Variants in C1orf21 observed in about 807,000 individuals in gnomAD.
C1orf21 encodes the protein chromosome 1 open reading frame 21.
In C1orf21, 3 loss-of-function variants were observed where a neutral mutation model predicts 18.7. The ratio of observed to expected loss-of-function variants is 0.16; its 90% CI spans 0.07 to 0.42. C1orf21 has a LOEUF of 0.42. C1orf21 is among the 10% of genes least tolerant of loss of function. The pLI, the probability that C1orf21 is intolerant of heterozygous loss-of-function variation, is 0.99. For missense variants in C1orf21, 104 were observed against 143.6 expected (o/e 0.72, Z 1.41); for synonymous variants, 41 against 46.4 (o/e 0.88, Z 0.47).
intron 1 of C1orf21, among the ~76,000 whole-genome samples, chr1:184,468,849 G>T (rs536817865): frequency 1.3e-5 from 2 of 152,124 alleles, no homozygotes; most frequent in African/African-American, 4.8e-5. Context: ...AACTCAGGAG[G>T]CAGAGATGCA....
At chr1:184,429,675 A>G (rs1416633802) in intron 1 of C1orf21, among the ~76,000 whole-genome samples, 1 of 148,624 alleles carries the variant, frequency 6.7e-6, no homozygotes, top group Non-Finnish European at 1.5e-5. Context: ...GCATAACCAC[A>G]AGACAGTGTT....
chr1:184,553,166 T>G lies in C1orf21; in HGVS notation c.190-37573T>G, dbSNP rs1431707247. On this transcript the variant is annotated intron_variant, in intron 3 of 5. Coordinates refer to ENST00000235307, the MANE Select transcript of C1orf21 (RefSeq NM_030806.4). ...TTGTCACAGACACGAGGATGAGGGA[T>G]GGTGTATTTTTTTTGATTTTAGAAT... Among the ~76,000 whole-genome samples the G allele has an allele frequency of 3.3e-5, 5 of 152,276 alleles. No individual in the cohort carries two copies. In the East Asian group the frequency reaches 9.6e-4, roughly 29 times the overall value.
intron 2 of C1orf21, among the ~76,000 whole-genome samples, chr1:184,497,733 G>A (rs1057232515): frequency 1.8e-4 from 28 of 152,160 alleles, no homozygotes; most frequent in African/African-American, 6.8e-4. Context: ...TGATTTTGCA[G>A]CCACTGAATT....
chr1:184,482,567 A>G (rs1220709708), intron 2 of C1orf21, among the ~76,000 whole-genome samples: 1 of 152,206 alleles, frequency 6.6e-6, no homozygotes, highest in Non-Finnish European at 1.5e-5. Context: ...CTGCTTTCTA[A>G]AATACCCCTC....
intron 3 of C1orf21, among the ~76,000 whole-genome samples, chr1:184,518,750 A>G (rs1332625852): frequency 2.0e-5 from 3 of 152,056 alleles, no homozygotes; most frequent in Non-Finnish European, 4.4e-5. Context: ...TAGGCATAAT[A>G]TAGGCACTGA....
chr1:184,576,854 A>C (rs1193841986), intron 3 of C1orf21, among the ~76,000 whole-genome samples: 1 of 152,072 alleles, frequency 6.6e-6, no homozygotes, highest in Non-Finnish European at 1.5e-5. Context: ...CAAATCCTTA[A>C]TTTGTCTTGC....
At chr1:184,593,222 T>C (rs1436040433) in intron 4 of C1orf21, among the ~76,000 whole-genome samples, 1 of 152,222 alleles carries the variant, frequency 6.6e-6, no homozygotes, top group African/African-American at 2.4e-5. Context: ...GACTGGCATG[T>C]GCTGAAGCTT....
At chr1:184,465,015 C>T (rs1202208972) in intron 1 of C1orf21, among the ~76,000 whole-genome samples, 1 of 152,208 alleles carries the variant, frequency 6.6e-6, no homozygotes, top group Admixed American at 6.5e-5. Flanking sequence ...AAGTGACCCT[C>T]CTGCTTCAGC....
At chr1:184,469,899 C>A (rs1297205705) in intron 1 of C1orf21, among the ~76,000 whole-genome samples, 2 of 152,170 alleles carry the variant, frequency 1.3e-5, no homozygotes, top group African/African-American at 4.8e-5. Flanking sequence ...TTAGCCCTGG[C>A]TGGATGCTGG....
At chr1:184,461,267 G>T (rs1657304178) in intron 1 of C1orf21, among the ~76,000 whole-genome samples, 1 of 152,182 alleles carries the variant, frequency 6.6e-6, no homozygotes. Context: ...TCAGCTTTCA[G>T]CTTCTAATAA....
At chr1:184,552,789 C>G (rs1658830550) in intron 3 of C1orf21, among the ~76,000 whole-genome samples, 1 of 152,028 alleles carries the variant, frequency 6.6e-6, no homozygotes, top group African/African-American at 2.4e-5. Flanking sequence ...AGGAAACATT[C>G]CAAATTTTAA....
At chr1:184,465,734 T>C (rs1657384656) in intron 1 of C1orf21, among the ~76,000 whole-genome samples, 1 of 152,178 alleles carries the variant, frequency 6.6e-6, no homozygotes, top group African/African-American at 2.4e-5. Context: ...GGCAAAGGGC[T>C]CCTTAGAATA....
chr1:184,558,920 A>C (rs1426867631), intron 3 of C1orf21, among the ~76,000 whole-genome samples: 3 of 152,216 alleles, frequency 2.0e-5, no homozygotes, highest in Non-Finnish European at 4.4e-5. Flanking sequence ...TGTAGAGTAG[A>C]AGAAAGCAGA....
intron 1 of C1orf21, among the ~76,000 whole-genome samples, chr1:184,458,416 A>G (rs1351138738): frequency 6.6e-6 from 1 of 152,174 alleles, no homozygotes; most frequent in East Asian, 1.9e-4. Flanking sequence ...TTATTCTTTC[A>G]TCTGTGCTGG....
Position 184,515,484 on chromosome 1 carries a change from C to T in C1orf21, c.189+7802C>T, listed in dbSNP as rs367602619. ...AGAAGGAAACTCAAGAATCACCGGG[C>T]GTCGTTACGTAGGTTACCAGTTTTG... On this transcript the variant is annotated intron_variant, in intron 3 of 5. Transcript: ENST00000235307. Among the ~76,000 whole-genome samples the T allele has an allele frequency of 3.7e-4, 57 of 152,194 alleles. 2 individuals are homozygous for T. In the South Asian group the frequency reaches 0.011, roughly 31 times the overall value.
At chr1:184,552,313 A>G (rs1007635150) in intron 3 of C1orf21, among the ~76,000 whole-genome samples, 6 of 152,254 alleles carry the variant, frequency 3.9e-5, no homozygotes, top group Admixed American at 3.9e-4. Context: ...ACCTTATAGT[A>G]TATAGTTTAA....
intron 2 of C1orf21, among the ~76,000 whole-genome samples, chr1:184,500,327 G>A (rs1340220366): frequency 3.9e-5 from 6 of 152,122 alleles, no homozygotes; most frequent in Non-Finnish European, 8.8e-5. Context: ...AAGGAAATGT[G>A]TTGTCTGGCC....
chr1:184,540,112 G>A (rs550890248), intron 3 of C1orf21: 2 of 152,260 alleles, frequency 1.3e-5, no homozygotes, highest in South Asian at 4.1e-4. Flanking sequence ...GTACTACTTA[G>A]TTTTTGAAAG....
At chr1:184,490,800 G>T (rs1221010940) in intron 2 of C1orf21, among the ~76,000 whole-genome samples, 2 of 152,040 alleles carry the variant, frequency 1.3e-5, no homozygotes, top group Non-Finnish European at 2.9e-5. Flanking sequence ...ATGGCCTTAT[G>T]TAGATGAGAC....
Sources: gnomAD v4.1 joint callset for allele counts (sites outside exome capture counted in the v4.1 genomes callset) on GRCh38, gnomAD v4.1.1 for gene constraint, MANE v1.5 for transcripts, NCBI Gene and HGNC (gene_info 2026-07-23, HGNC 2026-07-21) for gene names.